Variants in MCTP1 observed in about 807,000 individuals in gnomAD.
MCTP1 encodes multiple C2 and transmembrane domain containing 1.
Under a neutral mutation model 120.6 loss-of-function variants are expected in MCTP1, and 69 were observed. The observed-to-expected ratio is 0.57, with a 90% CI of 0.47 to 0.70. MCTP1 has a LOEUF of 0.70. Among genes scored for constraint, MCTP1 ranks in the 30% least tolerant of loss-of-function variants. The probability of loss-of-function intolerance (pLI) is 0.00; values close to 1 mark genes in which losing one functional copy is unlikely to be tolerated. For missense variants in MCTP1, 1,203 were observed against 1,248.8 expected (o/e 0.96, Z 0.55); for synonymous variants, 529 against 493.1 (o/e 1.07, Z -0.96).
At chr5:95,263,017 T>G (rs1201203156) in intron 1 of MCTP1, among the ~76,000 whole-genome samples, 1 of 152,204 alleles carries the variant, frequency 6.6e-6, no homozygotes, top group African/African-American at 2.4e-5. Flanking sequence ...TTTTAAGATG[T>G]GACAGAAAAA....
intron 10 of MCTP1, among the ~76,000 whole-genome samples, chr5:94,897,500 G>A (rs967960271): frequency 1.4e-4 from 22 of 152,056 alleles, no homozygotes; most frequent in African/African-American, 4.6e-4. Context: ...GGGATTACAG[G>A]TGCCCACCAC....
intron 12 of MCTP1, among the ~76,000 whole-genome samples, chr5:94,875,207 G>A (rs894919479): frequency 2.0e-5 from 3 of 152,134 alleles, no homozygotes; most frequent in African/African-American, 7.2e-5. Flanking sequence ...GTTTTTAAAA[G>A]GGCTGCAGAG....
intron 1 of MCTP1, among the ~76,000 whole-genome samples, chr5:95,259,148 A>G (rs796657733): frequency 6.6e-6 from 1 of 152,166 alleles, no homozygotes; most frequent in Non-Finnish European, 1.5e-5. Flanking sequence ...GTCAATGTTG[A>G]CTACGCGTCA....
At chr5:95,191,019 C>T (rs1749772168) in intron 1 of MCTP1, among the ~76,000 whole-genome samples, 1 of 151,940 alleles carries the variant, frequency 6.6e-6, no homozygotes, top group Admixed American at 6.6e-5. Flanking sequence ...TAATTTTAAG[C>T]TAGTTTATGA....
At chr5:95,170,694 T>C (rs958297789) in intron 1 of MCTP1, among the ~76,000 whole-genome samples, 4 of 152,216 alleles carry the variant, frequency 2.6e-5, no homozygotes, top group Non-Finnish European at 5.9e-5. Flanking sequence ...TGATCTTTGT[T>C]GGTTTAAAGT....
chr5:94,940,564 A>ATATATATATATACATATATATG (rs2153503384), intron 4 of MCTP1, among the ~76,000 whole-genome samples: 2 of 43,892 alleles, frequency 4.6e-5, no homozygotes, highest in South Asian at 1.1e-3. Flanking sequence ...ACACACGCAA[A>ATATATATATATACATATATATG]TATATATATA....
intron 1 of MCTP1, among the ~76,000 whole-genome samples, chr5:95,134,750 C>T (rs12332759): frequency 6.6e-6 from 1 of 152,054 alleles, no homozygotes; most frequent in Non-Finnish European, 1.5e-5. Context: ...CATGGCCAAG[C>T]TCAGAGTCAG....
chr5:95,162,107 C>A (rs564893725), intron 1 of MCTP1, among the ~76,000 whole-genome samples: 1 of 152,178 alleles, frequency 6.6e-6, no homozygotes, highest in South Asian at 2.1e-4. Flanking sequence ...AAAAACGATA[C>A]CAGGAAGAAC....
chr5:95,219,616 C>T (rs564179761), intron 1 of MCTP1, among the ~76,000 whole-genome samples: 15 of 152,268 alleles, frequency 9.9e-5, no homozygotes, highest in African/African-American at 3.1e-4. Context: ...AGCTGTTCAG[C>T]TTTGGGTGGA....
intron 17 of MCTP1, among the ~76,000 whole-genome samples, chr5:94,800,973 A>G (rs150379002): frequency 8.3e-4 from 126 of 152,198 alleles, no homozygotes; most frequent in African/African-American, 2.9e-3. Flanking sequence ...AATTTATACA[A>G]TTATACAAAG....
chr5:95,232,239 A>T (rs532442396), intron 1 of MCTP1, among the ~76,000 whole-genome samples: 1 of 151,926 alleles, frequency 6.6e-6, no homozygotes, highest in South Asian at 2.1e-4. Context: ...AAATTAATTC[A>T]AAAGAAGACA....
chr5:95,279,525 C>T (rs1760140103), intron 1 of MCTP1, among the ~76,000 whole-genome samples: 1 of 152,144 alleles, frequency 6.6e-6, no homozygotes, highest in African/African-American at 2.4e-5. Context: ...TTTTCAACCA[C>T]ACACTTATTT....
chr5:94,837,869 AACT>A (rs1311346189), intron 17 of MCTP1, among the ~76,000 whole-genome samples: 1 of 152,232 alleles, frequency 6.6e-6, no homozygotes, highest in African/African-American at 2.4e-5. Context: ...TTATATATTT[AACT>A]ACACTTGCCA....
intron 19 of MCTP1, among the ~76,000 whole-genome samples, chr5:94,726,507 C>T (rs556315163): frequency 3.9e-5 from 6 of 152,054 alleles, no homozygotes; most frequent in South Asian, 2.1e-4. Context: ...AGAAAGATTC[C>T]GATTCTTTTA....
At chr5:95,274,040 C>T (rs1315885259) in intron 1 of MCTP1, among the ~76,000 whole-genome samples, 1 of 152,148 alleles carries the variant, frequency 6.6e-6, no homozygotes, top group Non-Finnish European at 1.5e-5. Context: ...CCTCCTAAGG[C>T]TCAGGTTGAC....
rs998135813 is a variant in MCTP1 at position 95,284,370 on chromosome 5, G to A, written c.206C>T (p.Ala69Val). The A allele has an allele frequency of 6.3e-7, 1 of 1,595,906 alleles. No individual in the cohort carries two copies. Among genetic ancestry groups the A allele is most frequent in the Non-Finnish European group, 8.5e-7 (1 of 1,179,014 alleles). Residue 69 changes from alanine (A) to valine (V), a missense_variant, in exon 1 of 23, where the codon GCC becomes GTC. Physicochemically the swap from Ala to Val is moderately conservative, Grantham distance 64. Coordinates refer to ENST00000515393, the MANE Select transcript of MCTP1 (RefSeq NM_024717.7). The surrounding 1 kb of genome is among the most constrained non-coding windows in gnomAD (Gnocchi z 5.2). ...PPPVGTGNAP[A>V]RGSGAGSRWS... ...CCTGCTGCCTGCACCACTCCCCCTG[G>A]CCGGTGCATTCCCTGTGCCCACCGG...
At chr5:95,187,842 T>C (rs1030689613) in intron 1 of MCTP1, among the ~76,000 whole-genome samples, 1 of 152,180 alleles carries the variant, frequency 6.6e-6, no homozygotes, top group Admixed American at 6.5e-5. Context: ...ATTAAGTTAA[T>C]AGTACATTTA....
intron 1 of MCTP1, among the ~76,000 whole-genome samples, chr5:95,184,973 T>A (rs1200918512): frequency 6.6e-6 from 1 of 152,202 alleles, no homozygotes; most frequent in African/African-American, 2.4e-5. Flanking sequence ...TTAAAAATTC[T>A]GATCCCCGAA....
At chr5:95,094,579 T>C (rs543189628) in intron 1 of MCTP1, among the ~76,000 whole-genome samples, 2 of 152,312 alleles carry the variant, frequency 1.3e-5, no homozygotes, top group Admixed American at 1.3e-4. Flanking sequence ...GGATTTTCAC[T>C]TACAAATTGA....
Sources: allele counts gnomAD v4.1 joint callset (sites outside exome capture counted in the v4.1 genomes callset), GRCh38; gene constraint gnomAD v4.1.1; non-coding constraint Gnocchi (gnomAD v3.1); transcripts MANE v1.5; gene names NCBI Gene and HGNC (gene_info 2026-07-23, HGNC 2026-07-21).